Variants in MCTP1 observed in about 807,000 individuals in gnomAD.
The protein encoded by MCTP1 is multiple C2 and transmembrane domain-containing protein 1.
MCTP1 carries 69 observed loss-of-function variants against 120.6 expected under a neutral mutation model. That is an observed-to-expected ratio of 0.57 (90% CI 0.47 to 0.70). The LOEUF is 0.70. Ranked by LOEUF, MCTP1 falls within the 30% of genes least tolerant of loss-of-function variation. The probability of loss-of-function intolerance (pLI) is 0.00; values close to 1 mark genes in which losing one functional copy is unlikely to be tolerated. For missense variants in MCTP1, 1,203 were observed against 1,248.8 expected (o/e 0.96, Z 0.55); for synonymous variants, 529 against 493.1 (o/e 1.07, Z -0.96).
chr5:94,782,401 A>C (rs991710417), intron 18 of MCTP1, among the ~76,000 whole-genome samples: 4 of 152,096 alleles, frequency 2.6e-5, no homozygotes, highest in African/African-American at 4.8e-5. Context: ...TTCACAACTA[A>C]TTTTCAGGCT....
chr5:94,732,170 C>T (rs1319849618), intron 19 of MCTP1, among the ~76,000 whole-genome samples: 1 of 152,200 alleles, frequency 6.6e-6, no homozygotes, highest in African/African-American at 2.4e-5. Context: ...GCAGTGTTAA[C>T]AGTGCAGATT....
intron 17 of MCTP1, among the ~76,000 whole-genome samples, chr5:94,825,006 T>G (rs1053057480): frequency 1.3e-5 from 2 of 152,182 alleles, no homozygotes; most frequent in Non-Finnish European, 2.9e-5. Context: ...ATACACTGAT[T>G]GTTTTGAAGG....
At chr5:95,279,723 A>C (rs759430104) in intron 1 of MCTP1, among the ~76,000 whole-genome samples, 1 of 152,248 alleles carries the variant, frequency 6.6e-6, no homozygotes, top group South Asian at 2.1e-4. Flanking sequence ...TATTATAGCA[A>C]GTAAAGGTTA....
intron 1 of MCTP1, among the ~76,000 whole-genome samples, chr5:95,030,495 C>T (rs932911925): frequency 1.4e-4 from 22 of 152,292 alleles, no homozygotes; most frequent in South Asian, 4.2e-4. Flanking sequence ...TTGGCTCATG[C>T]ATCCAATACA....
At chr5:95,207,151 A>G (rs1305537892) in intron 1 of MCTP1, among the ~76,000 whole-genome samples, 1 of 152,178 alleles carries the variant, frequency 6.6e-6, no homozygotes, top group Non-Finnish European at 1.5e-5. Context: ...TATCCTGGCA[A>G]GAAAGAAGAG....
At chr5:95,227,899 G>C (rs1754465080) in intron 1 of MCTP1, among the ~76,000 whole-genome samples, 1 of 152,146 alleles carries the variant, frequency 6.6e-6, no homozygotes, top group Admixed American at 6.5e-5. Context: ...TGGGTGGAAA[G>C]TTTAGTGTGC....
intron 1 of MCTP1, among the ~76,000 whole-genome samples, chr5:95,100,483 T>C (rs1445165873): frequency 2.0e-5 from 3 of 151,864 alleles, no homozygotes; most frequent in Non-Finnish European, 4.4e-5. Flanking sequence ...CAAAAATCAA[T>C]AAAAAAATAA....
Position 94,931,929 on chromosome 5 carries a change from G to T in MCTP1, c.1212+24C>A, listed in dbSNP as rs372001729. 6 of 1,582,206 alleles carry T rather than the reference G, an allele frequency of 3.8e-6. No homozygotes were observed. In the South Asian group the frequency reaches 6.7e-5, roughly 18 times the overall value. ...ATAGTTCTGCTCAACAAGAAAAGCT[G>T]AAAGATCACAAGCTAAGAATTACCT... On this transcript the variant is annotated intron_variant, in intron 6 of 22. Transcript: ENST00000515393.
At chr5:94,721,228 G>A (rs752582292) in intron 19 of MCTP1, among the ~76,000 whole-genome samples, 4 of 152,188 alleles carry the variant, frequency 2.6e-5, no homozygotes, top group Non-Finnish European at 5.9e-5. Flanking sequence ...TGAAAGATGT[G>A]TTAGAAACCA....
chr5:95,111,388 C>A (rs1562151713), intron 1 of MCTP1, among the ~76,000 whole-genome samples: 3 of 152,084 alleles, frequency 2.0e-5, no homozygotes, highest in Non-Finnish European at 4.4e-5. Flanking sequence ...TACTGAAGAA[C>A]AAAGACTTTA....
At chr5:94,954,188 A>ATG (rs1821935952) in intron 2 of MCTP1, among the ~76,000 whole-genome samples, 2 of 132,900 alleles carry the variant, frequency 1.5e-5, no homozygotes, top group Admixed American at 1.6e-4. Context: ...ATATGCATAT[A>ATG]TATATATATA....
intron 2 of MCTP1, among the ~76,000 whole-genome samples, chr5:94,994,120 G>T (rs776828214): frequency 6.6e-6 from 1 of 152,188 alleles, no homozygotes; most frequent in Non-Finnish European, 1.5e-5. Context: ...CAGGTTCAGA[G>T]CTCCCTATGT....
chr5:94,799,538 TTAAAAA>T (rs1780766717), intron 17 of MCTP1, among the ~76,000 whole-genome samples: 1 of 152,100 alleles, frequency 6.6e-6, no homozygotes, highest in South Asian at 2.1e-4. Context: ...TCAGGGACTT[TTAAAAA>T]ATCTCGCTTG....
chr5:94,768,627 A>G (rs1773360042), intron 19 of MCTP1, among the ~76,000 whole-genome samples: 1 of 152,216 alleles, frequency 6.6e-6, no homozygotes, highest in Non-Finnish European at 1.5e-5. Flanking sequence ...TAACAGACAT[A>G]TGAAAAAATG....
At chr5:94,708,174 A>G (rs945323383) in intron 22 of MCTP1, 8 of 160,220 alleles carry the variant, frequency 5.0e-5, no homozygotes, top group African/African-American at 1.8e-4. Flanking sequence ...TTAAATGTCC[A>G]CTGGCATATT....
chr5:94,988,863 G>C (rs1250879871), intron 2 of MCTP1, among the ~76,000 whole-genome samples: 2 of 152,120 alleles, frequency 1.3e-5, no homozygotes, highest in Admixed American at 1.3e-4. Flanking sequence ...TGGCAGGAGA[G>C]AGAGAATGAG....
intron 17 of MCTP1, among the ~76,000 whole-genome samples, chr5:94,816,965 G>T (rs1430063037): frequency 6.6e-6 from 1 of 151,954 alleles, no homozygotes; most frequent in South Asian, 2.1e-4. Context: ...ATCCATTTTA[G>T]ACTGTGTTAG....
intron 1 of MCTP1, among the ~76,000 whole-genome samples, chr5:95,029,641 T>C (rs2153689997): frequency 6.6e-6 from 1 of 152,022 alleles, no homozygotes; most frequent in Middle Eastern, 3.4e-3. Context: ...TTCTCTCTCC[T>C]CTCACCTCTC....
chr5:95,021,615 G>C (rs1042727756), intron 1 of MCTP1, among the ~76,000 whole-genome samples: 1 of 151,740 alleles, frequency 6.6e-6, no homozygotes, highest in East Asian at 1.9e-4. Context: ...TTCTGATAAG[G>C]TTATTTCTAG....
Sources: gnomAD v4.1 joint callset for allele counts (sites outside exome capture counted in the v4.1 genomes callset) on GRCh38, gnomAD v4.1.1 for gene constraint, MANE v1.5 for transcripts, NCBI Gene and HGNC (gene_info 2026-07-23, HGNC 2026-07-21) for gene names.